MYOM2: variants seen among roughly 807,000 people sequenced by gnomAD.
MYOM2 encodes the protein myomesin 2, also known as myomesin-2.
A neutral mutation model predicts 187.6 loss-of-function variants in MYOM2; 254 were observed. The observed-to-expected ratio is 1.35, with a 90% CI of 1.22 to 1.50. The LOEUF is 1.50. Among genes scored for constraint, MYOM2 ranks in the 40% most tolerant of loss-of-function variants. MYOM2 has a pLI of 0.00. For missense variants in MYOM2, 2,796 were observed against 1,924.0 expected (o/e 1.45, Z -8.48); for synonymous variants, 981 against 753.8 (o/e 1.30, Z -4.94).
chr8:2,132,077 C>T (rs769023042), intron 32 of MYOM2, among the ~76,000 whole-genome samples: 2 of 152,044 alleles, frequency 1.3e-5, no homozygotes, highest in Admixed American at 6.6e-5. Context: ...TGACTAAATG[C>T]GTTCTTATTA....
At chr8:2,059,553 G>A (rs1219741044) in intron 6 of MYOM2, among the ~76,000 whole-genome samples, 2 of 152,048 alleles carry the variant, frequency 1.3e-5, no homozygotes, top group Non-Finnish European at 2.9e-5. Context: ...CCTCCTGCCA[G>A]GTTCGAGAAA....
At chr8:2,138,054 C>G (rs964688201) in intron 32 of MYOM2, among the ~76,000 whole-genome samples, 3 of 152,176 alleles carry the variant, frequency 2.0e-5, no homozygotes, top group Admixed American at 6.6e-5. Context: ...CTTTTATACA[C>G]AGGGATGAGT....
chr8:2,126,268 T>C (rs1797631253), intron 31 of MYOM2, among the ~76,000 whole-genome samples: 1 of 152,148 alleles, frequency 6.6e-6, no homozygotes. Flanking sequence ...ATAGGGAGCC[T>C]TTATTCTCAT....
In MYOM2 at chr8:2,085,362, A is replaced by G. The variant is rs2116699079; in HGVS notation, c.1616A>G (p.Lys539Arg). The change falls in exon 14 of 37, where the codon AAG (lysine) becomes AGG (arginine). Residue 539 changes from lysine (K) to arginine (R), a missense_variant. Physicochemically the swap from Lys to Arg is conservative, Grantham distance 26. Transcript: ENST00000262113. ...LSWEPPTPRG[K>R]DPLMYFIEKS... ...TGGGAGCCACCCACTCCCCGTGGCA[A>G]GGACCCGCTCATGTACTTCATTGAG... 1 of 1,613,486 alleles carries G rather than the reference A, an allele frequency of 6.2e-7. No homozygotes were observed. The highest frequency in any genetic ancestry group is 1.1e-5 in the South Asian group (1 of 91,064).
At position 2,116,257 on chromosome 8, in the gene MYOM2, G is replaced by C. The variant is rs771099312; in HGVS notation, c.3367G>C (p.Glu1123Gln). Residue 1123 changes from glutamate (E) to glutamine (Q), a missense_variant, in exon 27 of 37, where the codon GAA becomes CAA. Coordinates refer to ENST00000262113, the MANE Select transcript of MYOM2 (RefSeq NM_003970.4). ...VLEEAEFQRK[E>Q]FLRKQGPHFA... ...GGAAGAGGCTGAGTTTCAAAGGAAA[G>C]AATTTCTCAGGAAACAAGGTGAGTT... is the stretch of plus-strand genomic sequence containing the variant. The C allele has an allele frequency of 1.2e-6, 2 of 1,612,876 alleles. No homozygotes were observed. The highest frequency in any genetic ancestry group is 1.7e-5 in the Admixed American group (1 of 59,912).
intron 16 of MYOM2, 54 bp downstream of exon 16, chr8:2,092,574 T>A: frequency 6.3e-7 from 1 of 1,577,760 alleles, no homozygotes; most frequent in Non-Finnish European, 8.6e-7. Flanking sequence ...AGCAAGACCG[T>A]TGAGGTCCCT....
At position 2,086,497 on chromosome 8, in the gene MYOM2, C is replaced by A. The variant is rs990663683; in HGVS notation, c.1644+1107C>A. On this transcript the variant is annotated intron_variant, in intron 14 of 36. Coordinates refer to ENST00000262113, the MANE Select transcript of MYOM2 (RefSeq NM_003970.4). ...ACTGTCATGATCTCTGTGTGGCCCC[C>A]CACTGTCGTGATCTCTGCGTGGCCC... Among the ~76,000 whole-genome samples the A allele has an allele frequency of 5.9e-3, 836 of 141,906 alleles. 18 individuals are homozygous for A. The highest frequency in any genetic ancestry group is 0.011 in the Middle Eastern group (3 of 280). 93.1% of individuals were successfully genotyped at this position (141,906 alleles called of 152,430 possible).
chr8:2,100,866 G>C lies in MYOM2; in HGVS notation c.2441-10G>C, dbSNP rs370156977. ...TGCGCGCAGAAACAAGGTGGCATCT[G>C]ACTTCACAGGTCCTGCCTACGACTT... On this transcript the variant is annotated splice_polypyrimidine_tract_variant and intron_variant, in intron 19 of 36. Coordinates refer to ENST00000262113, the MANE Select transcript of MYOM2 (RefSeq NM_003970.4). 1 of 1,613,854 alleles carries C rather than the reference G, an allele frequency of 6.2e-7. No homozygotes were observed. The highest frequency in any genetic ancestry group is 1.7e-5 in the Admixed American group (1 of 60,008).
At chr8:2,079,519 A>C in intron 12 of MYOM2, 41 bp from the exon 13 acceptor site, 5 of 1,608,614 alleles carry the variant, frequency 3.1e-6, no homozygotes, top group Non-Finnish European at 3.4e-6. Flanking sequence ...TTTGGGGAAA[A>C]CTTCGCATGT....
chr8:2,073,611 C>G, intron 10 of MYOM2, 111 bp downstream of exon 10: 2 of 1,310,682 alleles, frequency 1.5e-6, no homozygotes, highest in Admixed American at 5.7e-5. Flanking sequence ...TGTGAGACCA[C>G]TTTGCTCCTT....
chr8:2,118,864 G>A lies in MYOM2; in HGVS notation c.3453+912G>A, dbSNP rs116854242. On this transcript the variant is annotated intron_variant, in intron 28 of 36. Coordinates refer to ENST00000262113, the MANE Select transcript of MYOM2 (RefSeq NM_003970.4). ...GAGGACGACGCTTCAGTAGGCTGCT[G>A]AGAGATGGTAACTCCAGCAGGGCAG... The A allele has an allele frequency of 5.0e-3, 765 of 152,432 alleles. 6 individuals are homozygous for A. The highest frequency in any genetic ancestry group is 8.8e-3 in the Non-Finnish European group (597 of 68,170). 9.4% of individuals were successfully genotyped at this position (152,432 alleles called of 1,614,324 possible).
At chr8:2,120,407 TAA>T (rs1310983744) in intron 28 of MYOM2, among the ~76,000 whole-genome samples, 22 of 151,174 alleles carry the variant, frequency 1.5e-4, no homozygotes, top group Non-Finnish European at 2.9e-4. Flanking sequence ...TTGATGAGCC[TAA>T]GTGTCAGGTG....
Position 2,068,634 on chromosome 8 carries a change from C to T in MYOM2, c.654-644C>T, listed in dbSNP as rs145232271. On this transcript the variant is annotated intron_variant, in intron 6 of 36. Coordinates refer to ENST00000262113, the MANE Select transcript of MYOM2 (RefSeq NM_003970.4). The stretch of plus-strand genomic sequence containing the variant: ...ATCCTGGGCGCAGCTCTTCAATGCA[C>T]GTGTGCACCAGGATCACCTGGAGAG... Among the ~76,000 whole-genome samples, 1,195 of 152,246 alleles carry T rather than the reference C, an allele frequency of 7.8e-3. 19 individuals are homozygous for T. The highest frequency in any genetic ancestry group is 0.027 in the African/African-American group (1,106 of 41,534).
rs114223467 is a variant in MYOM2, at chr8:2,113,656, A to G, written c.3181-2304A>G. Among the ~76,000 whole-genome samples the G allele has an allele frequency of 1.2e-3, 186 of 151,040 alleles. 2 individuals are homozygous for G. Among genetic ancestry groups the G allele is most frequent in the African/African-American group, 4.5e-3 (185 of 41,478 alleles). Reference sequence around the variant, plus strand: ...GAGGGGAAGGTCTCAGTTGATCAAGAAGGCTTCTCAGGTCTGCACTGGGAA... The same window carrying G: ...GAGGGGAAGGTCTCAGTTGATCAAGGAGGCTTCTCAGGTCTGCACTGGGAA... On this transcript the variant is annotated intron_variant, in intron 25 of 36. Transcript: ENST00000262113.
intron 31 of MYOM2, among the ~76,000 whole-genome samples, chr8:2,128,504 A>T (rs886367249): frequency 2.0e-5 from 3 of 152,220 alleles, no homozygotes; most frequent in Non-Finnish European, 2.9e-5. Context: ...TGCCTTCATC[A>T]GTGCTACTTC....
intron 21 of MYOM2, 141 bp from the exon 22 acceptor site, chr8:2,106,101 C>A: frequency 1.2e-6 from 1 of 800,576 alleles, no homozygotes; most frequent in Non-Finnish European, 2.0e-6. Flanking sequence ...CCAATCACCT[C>A]ACTCCCTCTA....
In MYOM2 at chr8:2,078,953, G is replaced by GTT. The variant is rs1563437618; in HGVS notation, c.1462+21_1462+22insTT. 1 of 1,609,934 alleles carries GTT rather than the reference G, an allele frequency of 6.2e-7. No homozygotes were observed. Among genetic ancestry groups the GTT allele is most frequent in the Non-Finnish European group, 8.5e-7 (1 of 1,177,062 alleles). ...TACAAGGTAAGCTGCTCACGCCTAAGTATCCACTGTGCCCAGGAAGCTTTG... is the reference window on the plus strand; with the variant it reads ...TACAAGGTAAGCTGCTCACGCCTAAGTTTATCCACTGTGCCCAGGAAGCTTTG... On this transcript the variant is annotated intron_variant, in intron 12 of 36. Transcript: ENST00000262113.
chr8:2,068,382 T>C (rs538141286), intron 6 of MYOM2, among the ~76,000 whole-genome samples: 12 of 139,808 alleles, frequency 8.6e-5, no homozygotes, highest in African/African-American at 3.0e-4. Flanking sequence ...GAGAGCATCC[T>C]GGGGACAGCT....
rs1437039930 is a variant in MYOM2, at chr8:2,073,461, G to T, written c.1081G>T (p.Gly361Cys). 38 of 1,609,788 alleles carry T rather than the reference G, an allele frequency of 2.4e-5. No individual in the cohort carries two copies. The highest frequency in any genetic ancestry group is 3.2e-5 in the Non-Finnish European group (38 of 1,179,534). ...GTACACCCTGCGCATCGTGTCTCGG[G>T]GCGGCGTCAGCGACCACAGCGCCTT... ...GLYTLRIVSR[G>C]GVSDHSAFLF... Residue 361 changes from glycine (G) to cysteine (C), a missense_variant, in exon 10 of 37, where the codon GGC (glycine) becomes TGC (cysteine). Physicochemically the swap from Gly to Cys is radical, Grantham distance 159. Transcript: ENST00000262113.
Sources: allele counts gnomAD v4.1 joint callset (sites outside exome capture counted in the v4.1 genomes callset), GRCh38; gene constraint gnomAD v4.1.1; transcripts MANE v1.5; gene names NCBI Gene and HGNC (gene_info 2026-07-23, HGNC 2026-07-21).